ASIC2: variants seen among roughly 807,000 people sequenced by gnomAD.
ASIC2 encodes acid-sensing ion channel 2.
A neutral mutation model predicts 57.3 loss-of-function variants in ASIC2; 25 were observed. The ratio of observed to expected loss-of-function variants is 0.44; its 90% CI spans 0.32 to 0.61. ASIC2 has a LOEUF of 0.61. Ranked by LOEUF, ASIC2 falls within the 20% of genes least tolerant of loss-of-function variation. The probability of loss-of-function intolerance (pLI) is 0.06; values close to 1 mark genes in which losing one functional copy is unlikely to be tolerated. For missense variants in ASIC2, 641 were observed against 738.1 expected, an observed-to-expected ratio of 0.87 and a Z score of 1.52; for synonymous variants, 319 against 307.5, an observed-to-expected ratio of 1.04 and a Z score of -0.39.
intron 1 of ASIC2, among the ~76,000 whole-genome samples, chr17:34,066,031 A>G (rs1464673469): frequency 6.6e-6 from 1 of 152,144 alleles, no homozygotes; most frequent in Non-Finnish European, 1.5e-5. Flanking sequence ...TATTTTTCCC[A>G]TGGTCTTACA....
chr17:33,317,714 C>A lies in ASIC2; in HGVS notation c.556-205647G>T, dbSNP rs114232661. The stretch of plus-strand genomic sequence containing the variant: ...CTAGTAGGGAGATAAAACACATTCA[C>A]CGATGACAGTAAGACAAGAATCCCA... On this transcript the variant is annotated intron_variant, in intron 1 of 9. Coordinates refer to the ASIC2 transcript ENST00000359872. Among the ~76,000 whole-genome samples, 52 of 152,100 alleles carry A rather than the reference C, an allele frequency of 3.4e-4. 1 individual carries two copies. Among genetic ancestry groups the A allele is most frequent in the African/African-American group, 1.1e-3 (45 of 41,472 alleles).
chr17:33,451,737 C>T (rs550966639), intron 1 of ASIC2, among the ~76,000 whole-genome samples: 3 of 152,332 alleles, frequency 2.0e-5, no homozygotes, highest in Non-Finnish European at 2.9e-5. Context: ...TCCTCAGTGG[C>T]ATATCCTCAA....
intron 1 of ASIC2, among the ~76,000 whole-genome samples, chr17:34,056,128 T>C (rs1274322850): frequency 6.6e-6 from 1 of 152,212 alleles, no homozygotes; most frequent in East Asian, 1.9e-4. Context: ...AATGGAAGAA[T>C]GGTCTCTAGC....
chr17:33,435,196 G>A (rs1332689237), intron 1 of ASIC2, among the ~76,000 whole-genome samples: 4 of 152,238 alleles, frequency 2.6e-5, no homozygotes, highest in South Asian at 4.1e-4. Context: ...AATAATGACT[G>A]AACTACTAGC....
chr17:34,119,574 A>C (rs1911534452), intron 1 of ASIC2, among the ~76,000 whole-genome samples: 1 of 151,822 alleles, frequency 6.6e-6, no homozygotes, highest in Admixed American at 6.6e-5. Flanking sequence ...GTCCAGCTCT[A>C]AAGTCAATTC....
chr17:33,960,729 C>G (rs932996740), intron 1 of ASIC2, among the ~76,000 whole-genome samples: 8 of 152,260 alleles, frequency 5.3e-5, no homozygotes, highest in African/African-American at 1.9e-4. Flanking sequence ...GCATGCTTCA[C>G]CTACCTAAGT....
chr17:33,596,767 T>C (rs1055711019), intron 1 of ASIC2, among the ~76,000 whole-genome samples: 5 of 152,206 alleles, frequency 3.3e-5, no homozygotes, highest in African/African-American at 1.2e-4. Context: ...AGCCATCTTT[T>C]ATGCTAACAG....
intron 3 of ASIC2, among the ~76,000 whole-genome samples, chr17:33,055,799 G>A (rs2091995648): frequency 6.6e-6 from 1 of 152,134 alleles, no homozygotes; most frequent in Non-Finnish European, 1.5e-5. Context: ...CATAAGAAAA[G>A]CGACTGCGCC....
intron 1 of ASIC2, among the ~76,000 whole-genome samples, chr17:33,163,062 C>A (rs558988986): frequency 6.6e-6 from 1 of 152,282 alleles, no homozygotes; most frequent in South Asian, 2.1e-4. Context: ...ACAGTCCTGT[C>A]CCCAGGGTGC....
At chr17:33,893,566 G>A (rs530161860) in intron 1 of ASIC2, among the ~76,000 whole-genome samples, 1 of 152,350 alleles carries the variant, frequency 6.6e-6, no homozygotes, top group South Asian at 2.1e-4. Context: ...CTGGGAAAGA[G>A]CAATATGATC....
intron 1 of ASIC2, among the ~76,000 whole-genome samples, chr17:33,348,121 T>A (rs1908026049): frequency 6.6e-6 from 1 of 151,908 alleles, no homozygotes; most frequent in Admixed American, 6.6e-5. Flanking sequence ...CAAACAAAAA[T>A]GGATTGTTGG....
chr17:33,556,537 G>A (rs894186997), intron 1 of ASIC2, among the ~76,000 whole-genome samples: 1 of 152,170 alleles, frequency 6.6e-6, no homozygotes, highest in Non-Finnish European at 1.5e-5. Context: ...AGAAAATTAA[G>A]CACAGCTCTC....
At chr17:33,147,270 A>G (rs904697397) in intron 1 of ASIC2, among the ~76,000 whole-genome samples, 2 of 152,216 alleles carry the variant, frequency 1.3e-5, no homozygotes, top group African/African-American at 4.8e-5. Flanking sequence ...GAAGAGAGAA[A>G]CCAGTTGAAG....
At chr17:33,260,804 G>A (rs1909252270) in intron 1 of ASIC2, among the ~76,000 whole-genome samples, 1 of 152,098 alleles carries the variant, frequency 6.6e-6, no homozygotes, top group Non-Finnish European at 1.5e-5. Context: ...TTGCTGACTG[G>A]CTCCTCACAC....
intron 1 of ASIC2, among the ~76,000 whole-genome samples, chr17:33,874,853 T>C (rs1363890367): frequency 6.6e-6 from 1 of 152,226 alleles, no homozygotes; most frequent in Non-Finnish European, 1.5e-5. Context: ...GAGTATCTTT[T>C]TCTAACCATG....
chr17:33,755,990 C>T (rs992927746), intron 1 of ASIC2, among the ~76,000 whole-genome samples: 1 of 152,346 alleles, frequency 6.6e-6, no homozygotes, highest in African/African-American at 2.4e-5. Context: ...GGAACATTTG[C>T]TCCAATCTTG....
At chr17:33,752,337 C>G (rs866648322) in intron 1 of ASIC2, among the ~76,000 whole-genome samples, 2 of 152,268 alleles carry the variant, frequency 1.3e-5, no homozygotes, top group Middle Eastern at 6.8e-3. Flanking sequence ...TTTCTCTCCA[C>G]CTCAATCATT....
At chr17:33,403,307 G>A (rs564477901) in intron 1 of ASIC2, among the ~76,000 whole-genome samples, 23 of 112,208 alleles carry the variant, frequency 2.0e-4, no homozygotes, top group Non-Finnish European at 4.1e-4. Flanking sequence ...TGGGCACACA[G>A]CTTCTACCTC....
chr17:33,946,670 A>G (rs1246276122), intron 1 of ASIC2, among the ~76,000 whole-genome samples: 1 of 152,232 alleles, frequency 6.6e-6, no homozygotes, highest in Non-Finnish European at 1.5e-5. Flanking sequence ...GAGATGGAGA[A>G]GGCTGTCCTA....
Sources: gnomAD v4.1 joint callset for allele counts (sites outside exome capture counted in the v4.1 genomes callset) on GRCh38, gnomAD v4.1.1 for gene constraint, MANE v1.5 for transcripts, NCBI Gene and HGNC (gene_info 2026-07-23, HGNC 2026-07-21) for gene names.